Variants in CRLF3 observed in about 807,000 individuals in gnomAD.
CRLF3 encodes cytokine receptor-like factor 3.
A neutral mutation model predicts 55.0 loss-of-function variants in CRLF3; 33 were observed. The ratio of observed to expected loss-of-function variants is 0.60; its 90% CI spans 0.46 to 0.80. The LOEUF (loss-of-function observed/expected upper bound fraction) is 0.80, where lower values mean the gene tolerates loss of function less well. CRLF3 is among the 30% of genes least tolerant of loss of function. The pLI is 0.00. For missense variants in CRLF3, 494 were observed against 538.4 expected (o/e 0.92, Z 0.82); for synonymous variants, 238 against 196.8 (o/e 1.21, Z -1.75).
Position 30,784,209 on chromosome 17 carries a change from C to G in CRLF3, c.1307G>C (p.Gly436Ala). The G allele has an allele frequency of 6.2e-7, 1 of 1,613,874 alleles. No homozygotes were observed. Among genetic ancestry groups the G allele is most frequent in the Non-Finnish European group, 8.5e-7 (1 of 1,179,970 alleles). ...LYFGCSFFYP[G>A]WKVLVF ...CATCTAAAACACTAACACTTTCCAT[C>G]CAGGATAGAAAAATGAGCATCCAAA... The change falls in exon 8 of 8, where the codon GGA (glycine) becomes GCA (alanine). Residue 436 changes from glycine (G) to alanine (A), a missense_variant. By Grantham distance (60) the Gly-to-Ala change is moderately conservative. Coordinates refer to ENST00000324238, the MANE Select transcript of CRLF3 (RefSeq NM_015986.4).
intron 4 of CRLF3, among the ~76,000 whole-genome samples, chr17:30,794,063 A>G (rs1779275986): frequency 6.6e-6 from 1 of 151,976 alleles, no homozygotes; most frequent in Non-Finnish European, 1.5e-5. Context: ...TTAACTCCTG[A>G]GCTCAAGCAA....
Position 30,824,536 on chromosome 17 carries a change from T to C in CRLF3, c.116A>G (p.Glu39Gly). The C allele has an allele frequency of 1.3e-6, 2 of 1,592,084 alleles. No individual in the cohort carries two copies. Among genetic ancestry groups the C allele is most frequent in the South Asian group, 1.1e-5 (1 of 89,324 alleles). Residue 39 changes from glutamate to glycine, a missense_variant, in exon 1 of 8, where the codon GAG (glutamate) becomes GGG (glycine). Transcript: ENST00000324238. ...TGGCCCTCCGACCTGCCTCCGCGCC[T>C]CACGCAGCCCCTCAAGCCGGTGACC... ...ELGHRLEGLREARRQIKESAS... is the reference protein window; with the variant it reads ...ELGHRLEGLRGARRQIKESAS...
rs958962687 is a variant in CRLF3, at chr17:30,807,602, G to A, written c.130-3494C>T. On this transcript the variant is annotated intron_variant, in intron 1 of 7. Coordinates refer to ENST00000324238, the MANE Select transcript of CRLF3 (RefSeq NM_015986.4). ...GACTGGAGTGCAGTGGCGCAATCTC[G>A]GCTCACTGCAACCTCTGCCTTCTGG... 4.7e-4 allele frequency among the ~76,000 whole-genome samples: 62 copies of A among 130,706 alleles called. 1 individual carries two copies. The Admixed American group carries it at 5.9e-3, about 12-fold the overall frequency. 85.7% of individuals were successfully genotyped at this position (130,706 alleles called of 152,430 possible). A position where few individuals can be genotyped will look rare whatever the true frequency, so the allele number is the denominator to read the frequency against.
Position 30,824,646 on chromosome 17 carries a change from C to A in CRLF3, c.6G>T (p.Arg2Ser). 6.3e-7 allele frequency: 1 copy of A among 1,591,608 alleles called. No individual in the cohort carries two copies. The highest frequency in any genetic ancestry group is 8.5e-7 in the Non-Finnish European group (1 of 1,174,092). Residue 2 changes from arginine to serine, a missense_variant, in exon 1 of 8, where the codon AGG becomes AGT. Arg to Ser is a moderately radical substitution (Grantham distance 110, BLOSUM62 -1). Coordinates refer to ENST00000324238, the MANE Select transcript of CRLF3 (RefSeq NM_015986.4). ...GCTCAGGCTCCAGCTCCATCGCCCC[C>A]CTCATCTGGCCGCGCGGCCGGCGAA... MRGAMELEPELL... is the reference protein window; with the variant it reads MSGAMELEPELL...
chr17:30,784,535 C>G lies in CRLF3; in HGVS notation c.1073-92G>C, dbSNP rs76343572. 4,514 of 1,157,358 alleles carry G rather than the reference C, an allele frequency of 3.9e-3. 133 individuals carry two copies. In the African/African-American group the frequency reaches 0.06, roughly 15 times the overall value. 71.7% of individuals were successfully genotyped at this position (1,157,358 alleles called of 1,614,324 possible). On this transcript the variant is annotated intron_variant, in intron 7 of 7. Transcript: ENST00000324238. ...GATTACTGGTAACACAGCTCATTTC[C>G]TAATTCAGATTTTAAAAAATCTGGA...
At chr17:30,791,387 A>G (rs1284107943) in intron 6 of CRLF3, among the ~76,000 whole-genome samples, 1 of 151,462 alleles carries the variant, frequency 6.6e-6, no homozygotes, top group Non-Finnish European at 1.5e-5. Flanking sequence ...TTGTATTTTT[A>G]GTAAAGATGG....
intron 1 of CRLF3, among the ~76,000 whole-genome samples, chr17:30,805,198 T>A (rs1224537954): frequency 2.0e-5 from 3 of 151,476 alleles, no homozygotes; most frequent in African/African-American, 7.3e-5. Flanking sequence ...GAGAAATAAA[T>A]AATAGTTACT....
At chr17:30,803,557 T>G in intron 2 of CRLF3, 1 of 212,034 alleles carries the variant, frequency 4.7e-6, no homozygotes, top group Non-Finnish European at 9.5e-6. Flanking sequence ...CATCTCGAAT[T>G]GTACTCCCAT....
chr17:30,798,667 C>T (rs1367040254), intron 2 of CRLF3, among the ~76,000 whole-genome samples: 3 of 151,636 alleles, frequency 2.0e-5, no homozygotes, highest in African/African-American at 2.4e-5. Context: ...GATGAAACCC[C>T]GTCTCTACTA....
At chr17:30,804,743 C>A (rs753736016) in intron 1 of CRLF3, among the ~76,000 whole-genome samples, 16 of 152,018 alleles carry the variant, frequency 1.1e-4, no homozygotes, top group Non-Finnish European at 1.9e-4. Context: ...TTCATTTGCA[C>A]AAACAGACAG....
chr17:30,793,359 A>G, intron 5 of CRLF3, 91 bp downstream of exon 5: 3 of 899,592 alleles, frequency 3.3e-6, no homozygotes, highest in Non-Finnish European at 5.3e-6. Context: ...TATGCTTAGA[A>G]TAGCTGGTTG....
At chr17:30,791,061 G>A (rs185357729) in intron 6 of CRLF3, among the ~76,000 whole-genome samples, 2,262 of 152,142 alleles carry the variant, frequency 0.015, 51 homozygotes, top group African/African-American at 0.052. Context: ...TGGGATTATA[G>A]GTGTGTGCCA....
At chr17:30,824,426 T>C (rs1224142890) in intron 1 of CRLF3, 97 bp downstream of exon 1, 7 of 1,277,110 alleles carry the variant, frequency 5.5e-6, no homozygotes, top group South Asian at 4.6e-5. Flanking sequence ...ACTCCAGAGT[T>C]TTCGGACAGT....
rs1396287057 is a variant in CRLF3, at chr17:30,782,932, A to G, written c.*1255T>C. On this transcript the variant is annotated 3_prime_UTR_variant, in exon 8 of 8. Transcript: ENST00000324238. ...AAATGAAAAAAATAATTCACATTAA[A>G]ATAAAATCTGTAGGGTGGCATAGAA... 6.6e-6 allele frequency: 1 copy of G among 152,192 alleles called. No individual in the cohort carries two copies. The highest frequency in any genetic ancestry group is 1.5e-5 in the Non-Finnish European group (1 of 68,032). 9.4% of individuals were successfully genotyped at this position (152,192 alleles called of 1,614,324 possible). A position where few individuals can be genotyped will look rare whatever the true frequency, so the allele number is the denominator to read the frequency against.
intron 1 of CRLF3, among the ~76,000 whole-genome samples, chr17:30,812,834 G>T (rs774852157): frequency 6.6e-6 from 1 of 152,158 alleles, no homozygotes; most frequent in Non-Finnish European, 1.5e-5. Context: ...TATCTTTCTG[G>T]AGAGGACAAG....
intron 2 of CRLF3, 123 bp from the exon 3 acceptor site, chr17:30,797,521 C>A: frequency 1.4e-6 from 1 of 716,188 alleles, no homozygotes. Context: ...ATGCCACAGT[C>A]AAATTCCCAA....
intron 1 of CRLF3, among the ~76,000 whole-genome samples, chr17:30,811,377 T>A (rs1904614070): frequency 6.7e-6 from 1 of 149,834 alleles, no homozygotes; most frequent in African/African-American, 2.5e-5. Flanking sequence ...TCATTTGAGC[T>A]CAGGAGGTGG....
intron 1 of CRLF3, among the ~76,000 whole-genome samples, chr17:30,805,479 C>T (rs1178575302): frequency 2.0e-5 from 3 of 151,846 alleles, no homozygotes; most frequent in African/African-American, 4.8e-5. Flanking sequence ...CTTGGGAGGC[C>T]GAGGTGGGTG....
intron 1 of CRLF3, among the ~76,000 whole-genome samples, chr17:30,823,280 T>C (rs982450628): frequency 1.3e-5 from 2 of 151,876 alleles, no homozygotes; most frequent in Admixed American, 1.3e-4. Flanking sequence ...GAGAATCGCT[T>C]GAACCCGGGA....
Sources: gnomAD v4.1 joint callset for allele counts (sites outside exome capture counted in the v4.1 genomes callset) on GRCh38, gnomAD v4.1.1 for gene constraint, MANE v1.5 for transcripts, NCBI Gene and HGNC (gene_info 2026-07-23, HGNC 2026-07-21) for gene names.